Variants in NFYC observed in about 807,000 individuals in gnomAD.
The protein encoded by NFYC is CAAT box DNA-binding protein subunit C.
NFYC carries 25 observed loss-of-function variants against 53.1 expected under a neutral mutation model. The observed-to-expected ratio is 0.47, with a 90% confidence interval of 0.34 to 0.66. The LOEUF is 0.66. Ranked by LOEUF, NFYC falls within the 30% of genes least tolerant of loss-of-function variation. The pLI, the probability that NFYC is intolerant of heterozygous loss-of-function variation, is 0.01. For synonymous variants in NFYC, 145 were observed against 152.6 expected, an observed-to-expected ratio of 0.95 and a Z score of 0.37; for missense variants, 260 against 422.7, an observed-to-expected ratio of 0.62 and a Z score of 3.38.
intron 6 of NFYC, 117 bp from the exon 7 acceptor site, chr1:40,762,771 C>G (rs3767954): frequency 0.88 from 807,713 of 914,328 alleles, 357,284 homozygotes; most frequent in East Asian, 0.98. Flanking sequence ...ACTGAGATGA[C>G]CTTAGGCATT....
intron 1 of NFYC, chr1:40,692,093 T>G (rs1436456145): frequency 5.1e-6 from 1 of 196,618 alleles, no homozygotes; most frequent in Non-Finnish European, 1.1e-5. Context: ...CCGCGGGCTT[T>G]CTCCCATTGG....
chr1:40,719,375 T>C (rs1281521412), intron 1 of NFYC, among the ~76,000 whole-genome samples: 2 of 152,232 alleles, frequency 1.3e-5, no homozygotes, highest in Non-Finnish European at 2.9e-5. Flanking sequence ...ATTCCTCCTA[T>C]AAGTGGGCAG....
chr1:40,737,718 A>C (rs1187812382), intron 1 of NFYC, among the ~76,000 whole-genome samples: 1 of 152,190 alleles, frequency 6.6e-6, no homozygotes, highest in Admixed American at 6.5e-5. Flanking sequence ...AAGGTTAGGA[A>C]AGAACTGGGC....
chr1:40,691,822 A>G lies in NFYC; in HGVS notation c.-54A>G, dbSNP rs1642810020. ...GGGCCTCTGCATTGCCCGACTCCGTAGGAGCGCGGGGGCGGCTCCTGCTCT... is the reference window on the plus strand; with the variant it reads ...GGGCCTCTGCATTGCCCGACTCCGTGGGAGCGCGGGGGCGGCTCCTGCTCT... On this transcript the variant is annotated 5_prime_UTR_variant, in exon 1 of 10. Coordinates refer to ENST00000447388, the MANE Select transcript of NFYC (RefSeq NM_014223.5). The G allele has an allele frequency of 4.6e-6, 2 of 438,284 alleles. No homozygotes were observed. Among genetic ancestry groups the G allele is most frequent in the Admixed American group, 2.5e-5 (1 of 40,448 alleles). The allele number at this position is 438,284 out of a possible 1,614,324, so 27.1% of individuals were successfully genotyped here.
intron 1 of NFYC, 134 bp from the exon 2 acceptor site, chr1:40,738,702 G>A (rs1039547738): frequency 2.3e-5 from 14 of 616,864 alleles, no homozygotes; most frequent in African/African-American, 1.3e-4. Context: ...TCTTTTTAGC[G>A]TAATTATATA....
At chr1:40,717,057 A>G (rs1461514001) in intron 1 of NFYC, among the ~76,000 whole-genome samples, 1 of 152,208 alleles carries the variant, frequency 6.6e-6, no homozygotes, top group African/African-American at 2.4e-5. Flanking sequence ...CAGCTTGTAC[A>G]TGAAGGACTG....
intron 6 of NFYC, among the ~76,000 whole-genome samples, chr1:40,762,415 C>G (rs1191606240): frequency 1.3e-5 from 2 of 152,228 alleles, no homozygotes; most frequent in African/African-American, 4.8e-5. Flanking sequence ...TTATTTTTCT[C>G]TCAGTGTCTT....
At chr1:40,698,405 G>A (rs756418190) in intron 1 of NFYC, among the ~76,000 whole-genome samples, 2 of 151,818 alleles carry the variant, frequency 1.3e-5, no homozygotes, top group Non-Finnish European at 2.9e-5. Flanking sequence ...TATATATAAG[G>A]TGTCCTATTT....
At chr1:40,720,825 C>T (rs146726702) in intron 1 of NFYC, among the ~76,000 whole-genome samples, 4 of 152,272 alleles carry the variant, frequency 2.6e-5, no homozygotes, top group Non-Finnish European at 5.9e-5. Context: ...GCCATGATTA[C>T]GCCACTGCAC....
At chr1:40,743,729 G>A (rs183309468) in intron 2 of NFYC, among the ~76,000 whole-genome samples, 1 of 152,320 alleles carries the variant, frequency 6.6e-6, no homozygotes, top group East Asian at 1.9e-4. Context: ...GTCCTGTGCT[G>A]TGTGAGCCCT....
At chr1:40,712,492 G>A (rs1444009623) in intron 1 of NFYC, 1 of 151,954 alleles carries the variant, frequency 6.6e-6, no homozygotes, top group African/African-American at 2.4e-5. Context: ...GGTTGCAGAT[G>A]TTTACCAAGC....
intron 5 of NFYC, chr1:40,754,412 G>A (rs1262369764): frequency 1.9e-6 from 1 of 534,188 alleles, no homozygotes; most frequent in Non-Finnish European, 3.8e-6. Context: ...GTTCAGAGGA[G>A]CTTTCAGTCG....
At chr1:40,727,869 C>T (rs996518733) in intron 1 of NFYC, among the ~76,000 whole-genome samples, 1 of 142,190 alleles carries the variant, frequency 7.0e-6, no homozygotes, top group African/African-American at 2.5e-5. Flanking sequence ...AATGGTGAAT[C>T]CTGTCTAGAA....
chr1:40,763,339 G>T (rs1215085454), intron 7 of NFYC: 1 of 462,628 alleles, frequency 2.2e-6, no homozygotes, highest in Non-Finnish European at 4.3e-6. Context: ...TCACACGCAT[G>T]CATAATCCTT....
At chr1:40,737,901 C>CTTTTT (rs530348029) in intron 1 of NFYC, among the ~76,000 whole-genome samples, 2 of 123,162 alleles carry the variant, frequency 1.6e-5, no homozygotes, top group Admixed American at 8.3e-5. Context: ...TGCTCTCTCT[C>CTTTTT]TTTTTTTTTT....
At chr1:40,758,820 A>G (rs560235097) in intron 6 of NFYC, among the ~76,000 whole-genome samples, 2 of 152,138 alleles carry the variant, frequency 1.3e-5, no homozygotes, top group Non-Finnish European at 2.9e-5. Flanking sequence ...AGTAGCATTC[A>G]TGTTTGTTGG....
At chr1:40,758,989 A>G (rs1044145120) in intron 6 of NFYC, among the ~76,000 whole-genome samples, 3 of 152,228 alleles carry the variant, frequency 2.0e-5, no homozygotes, top group Non-Finnish European at 4.4e-5. Context: ...CTTATTTTCA[A>G]GGAATTCACA....
intron 7 of NFYC, chr1:40,763,631 G>A (rs1428729569): frequency 5.8e-6 from 2 of 342,070 alleles, no homozygotes; most frequent in Non-Finnish European, 1.1e-5. Context: ...ACAGGCATGA[G>A]CCATCACGCC....
chr1:40,704,250 G>C (rs1238359360), intron 1 of NFYC, among the ~76,000 whole-genome samples: 1 of 151,974 alleles, frequency 6.6e-6, no homozygotes, highest in Non-Finnish European at 1.5e-5. Context: ...TTTTTGTATT[G>C]TTAGTAGAGA....
Sources: allele counts gnomAD v4.1 joint callset (sites outside exome capture counted in the v4.1 genomes callset), GRCh38; gene constraint gnomAD v4.1.1; transcripts MANE v1.5; gene names NCBI Gene and HGNC (gene_info 2026-07-23, HGNC 2026-07-21).